NXPH1: variants seen among roughly 807,000 people sequenced by gnomAD.
The protein encoded by NXPH1 is neurexophilin 1.
NXPH1 carries 5 observed loss-of-function variants against 23.7 expected under a neutral mutation model. That is an observed-to-expected ratio of 0.21 (90% confidence interval 0.11 to 0.44). The LOEUF (loss-of-function observed/expected upper bound fraction) is 0.44. Among genes scored for constraint, NXPH1 ranks in the 20% least tolerant of loss-of-function variants. The pLI is 0.99. For missense variants in NXPH1, 324 were observed against 321.6 expected, an observed-to-expected ratio of 1.01 and a Z score of -0.06; for synonymous variants, 144 against 122.2, an observed-to-expected ratio of 1.18 and a Z score of -1.18.
chr7:8,538,395 T>G (rs1563339588), intron 2 of NXPH1, among the ~76,000 whole-genome samples: 1 of 151,854 alleles, frequency 6.6e-6, no homozygotes, highest in Non-Finnish European at 1.5e-5. Flanking sequence ...GAACATACCT[T>G]AGGGGTAGGA....
chr7:8,685,794 G>A (rs1460077166), intron 2 of NXPH1, among the ~76,000 whole-genome samples: 3 of 149,756 alleles, frequency 2.0e-5, no homozygotes, highest in Admixed American at 6.7e-5. Context: ...AGGGAATGGC[G>A]GGGGGAAGTG....
intron 2 of NXPH1, among the ~76,000 whole-genome samples, chr7:8,483,569 A>T (rs986911997): frequency 1.3e-5 from 2 of 152,132 alleles, no homozygotes; most frequent in Non-Finnish European, 1.5e-5. Context: ...TCAGCCTCCC[A>T]AACGGCTGGG....
intron 2 of NXPH1, among the ~76,000 whole-genome samples, chr7:8,536,123 A>T (rs973538143): frequency 6.6e-6 from 1 of 152,090 alleles, no homozygotes; most frequent in Non-Finnish European, 1.5e-5. Context: ...TGATTGAGTT[A>T]TAAGAGTGCT....
intron 2 of NXPH1, among the ~76,000 whole-genome samples, chr7:8,697,180 A>C (rs1274259344): frequency 7.6e-6 from 1 of 132,324 alleles, no homozygotes; most frequent in Non-Finnish European, 1.6e-5. Context: ...AAAAAAAAAA[A>C]GTGAATGATG....
At position 8,578,911 on chromosome 7, in the gene NXPH1, C is replaced by T. The variant is rs113067796; in HGVS notation, c.54+143144C>T. On this transcript the variant is annotated intron_variant, in intron 2 of 2. Coordinates refer to ENST00000405863, the MANE Select transcript of NXPH1 (RefSeq NM_152745.3). ...TAAAGATGAGGCAGAATATTCTAGGCATATTAAAGCCTGAGTCAGGATACA... is the reference window on the plus strand; with the variant it reads ...TAAAGATGAGGCAGAATATTCTAGGTATATTAAAGCCTGAGTCAGGATACA... 7.6e-3 allele frequency among the ~76,000 whole-genome samples: 1,150 copies of T among 152,262 alleles called. 11 individuals carry two copies. The highest frequency in any genetic ancestry group is 0.026 in the African/African-American group (1,091 of 41,524).
chr7:8,576,272 G>A (rs1324555738), intron 2 of NXPH1, among the ~76,000 whole-genome samples: 1 of 152,086 alleles, frequency 6.6e-6, no homozygotes, highest in Non-Finnish European at 1.5e-5. Flanking sequence ...TTGGGCACTG[G>A]GAGCACAATA....
chr7:8,665,287 C>T (rs965791237), intron 2 of NXPH1, among the ~76,000 whole-genome samples: 1 of 151,912 alleles, frequency 6.6e-6, no homozygotes, highest in Admixed American at 6.6e-5. Context: ...TGTCCTTTCC[C>T]CATTGTGTGT....
At chr7:8,598,476 G>T (rs10235389) in intron 2 of NXPH1, among the ~76,000 whole-genome samples, 49,540 of 152,046 alleles carry the variant, frequency 0.33, 8,341 homozygotes, top group African/African-American at 0.4. Flanking sequence ...TCTTTGTCAC[G>T]TTTCCCCTCT....
chr7:8,550,807 T>A (rs1360242924), intron 2 of NXPH1, among the ~76,000 whole-genome samples: 2 of 151,552 alleles, frequency 1.3e-5, no homozygotes. Flanking sequence ...TACATATTTT[T>A]AAATTTTAAA....
chr7:8,460,074 G>A (rs1816667364), intron 2 of NXPH1, among the ~76,000 whole-genome samples: 2 of 152,054 alleles, frequency 1.3e-5, no homozygotes, highest in Non-Finnish European at 2.9e-5. Context: ...TAAATCAAAA[G>A]CTTATTTTTA....
At chr7:8,651,623 A>G (rs900497130) in intron 2 of NXPH1, among the ~76,000 whole-genome samples, 1 of 152,194 alleles carries the variant, frequency 6.6e-6, no homozygotes, top group African/African-American at 2.4e-5. Context: ...TTAAGTTGCT[A>G]AATAAAATTC....
intron 2 of NXPH1, among the ~76,000 whole-genome samples, chr7:8,640,291 C>T (rs10234311): frequency 0.77 from 116,714 of 151,938 alleles, 45,907 homozygotes; most frequent in African/African-American, 0.94. Flanking sequence ...ACAAAATTGA[C>T]TTTTAAAATA....
intron 2 of NXPH1, among the ~76,000 whole-genome samples, chr7:8,501,557 C>T (rs1817435049): frequency 6.6e-6 from 1 of 152,058 alleles, no homozygotes; most frequent in Admixed American, 6.6e-5. Flanking sequence ...AATTTCAAAA[C>T]TCTAGAGTCA....
At chr7:8,608,145 C>T (rs1471771681) in intron 2 of NXPH1, among the ~76,000 whole-genome samples, 1 of 152,150 alleles carries the variant, frequency 6.6e-6, no homozygotes, top group African/African-American at 2.4e-5. Context: ...TTCAGCCACC[C>T]AGTTTGTGGT....
chr7:8,579,324 C>T (rs766894770), intron 2 of NXPH1, among the ~76,000 whole-genome samples: 1 of 151,288 alleles, frequency 6.6e-6, no homozygotes, highest in African/African-American at 2.4e-5. Flanking sequence ...TAAGGAACTT[C>T]GCTATTAATC....
intron 2 of NXPH1, among the ~76,000 whole-genome samples, chr7:8,679,411 T>G (rs1469611800): frequency 6.6e-6 from 1 of 152,182 alleles, no homozygotes; most frequent in Non-Finnish European, 1.5e-5. Flanking sequence ...AGAAACTGTA[T>G]CCCGTTTATC....
At chr7:8,485,539 C>G (rs1236338714) in intron 2 of NXPH1, among the ~76,000 whole-genome samples, 1 of 152,014 alleles carries the variant, frequency 6.6e-6, no homozygotes, top group Non-Finnish European at 1.5e-5. Flanking sequence ...AAGGATGGCA[C>G]AAACAATGAC....
At chr7:8,733,673 T>A (rs1780197186) in intron 2 of NXPH1, among the ~76,000 whole-genome samples, 1 of 152,214 alleles carries the variant, frequency 6.6e-6, no homozygotes, top group South Asian at 2.1e-4. Flanking sequence ...GCCACATAAA[T>A]GTCTTCTTTC....
At chr7:8,701,427 C>T (rs566664645) in intron 2 of NXPH1, among the ~76,000 whole-genome samples, 1 of 152,174 alleles carries the variant, frequency 6.6e-6, no homozygotes, top group African/African-American at 2.4e-5. Flanking sequence ...TCTTGCACCT[C>T]TTGCATCTTA....
Sources: gnomAD v4.1 joint callset for allele counts (sites outside exome capture counted in the v4.1 genomes callset) on GRCh38, gnomAD v4.1.1 for gene constraint, MANE v1.5 for transcripts, NCBI Gene and HGNC (gene_info 2026-07-23, HGNC 2026-07-21) for gene names.